BRCA1: variants seen among roughly 807,000 people sequenced by gnomAD.
BRCA1 encodes breast cancer type 1 susceptibility protein.
In BRCA1, 140 loss-of-function variants were observed where a neutral mutation model predicts 173.7. The ratio of observed to expected loss-of-function variants is 0.81; its 90% confidence interval spans 0.70 to 0.93. BRCA1 has a LOEUF of 0.93. BRCA1 is among the 40% of genes least tolerant of loss of function. The pLI, the probability that BRCA1 is intolerant of heterozygous loss-of-function variation, is 0.00. For synonymous variants in BRCA1, 662 were observed against 756.0 expected (o/e 0.88, Z 2.04); for missense variants, 1,983 against 2,172.5 (o/e 0.91, Z 1.73).
intron 3 of BRCA1, 59 bp downstream of exon 3, chr17:43,115,667 G>T (rs2154565122): frequency 6.6e-7 from 1 of 1,521,410 alleles, no homozygotes; most frequent in Non-Finnish European, 9.1e-7. Flanking sequence ...GTGTTTCCTG[G>T]GTTATGAAGG....
At chr17:43,074,833 A>C (rs1248249276) in intron 13 of BRCA1, among the ~76,000 whole-genome samples, 1 of 151,978 alleles carries the variant, frequency 6.6e-6, no homozygotes, top group East Asian at 1.9e-4. Flanking sequence ...AGGCAGGAAA[A>C]TTGCTTGAAC....
chr17:43,048,731 G>A (rs1373431381), intron 21 of BRCA1, among the ~76,000 whole-genome samples: 2 of 150,886 alleles, frequency 1.3e-5, no homozygotes, highest in African/African-American at 4.9e-5. Flanking sequence ...ATGTTGGCCA[G>A]GCTGGTCTCA....
upstream of BRCA1, among the ~76,000 whole-genome samples, chr17:43,126,331 G>C (rs2055872934): frequency 6.6e-6 from 1 of 152,228 alleles, no homozygotes; most frequent in Non-Finnish European, 1.5e-5. Flanking sequence ...TGGCGAAAAC[G>C]CGGAGAAACG....
At chr17:43,135,851 G>A (rs1184850319) in intron 1 of BRCA1, among the ~76,000 whole-genome samples, 3 of 152,170 alleles carry the variant, frequency 2.0e-5, no homozygotes, top group Admixed American at 1.3e-4. Context: ...GGGTGGCAGC[G>A]TCCCCTTGAA....
intron 22 of BRCA1, 80 bp downstream of exon 22, chr17:43,047,563 C>A (rs1384436809): frequency 7.2e-7 from 1 of 1,390,986 alleles, no homozygotes; most frequent in Admixed American, 1.7e-5. Context: ...AACTGTGCTA[C>A]TCAAGCACCA....
At chr17:43,117,506 C>T (rs535595205) in intron 2 of BRCA1, among the ~76,000 whole-genome samples, 29 of 151,956 alleles carry the variant, frequency 1.9e-4, no homozygotes, top group African/African-American at 6.8e-4. Context: ...CTTGGGAGGC[C>T]GAGGCGGGCG....
chr17:43,070,816 T>C, intron 15 of BRCA1, 112 bp downstream of exon 15: 2 of 1,264,534 alleles, frequency 1.6e-6, no homozygotes, highest in Non-Finnish European at 2.3e-6. Context: ...AGAACTGTGA[T>C]TGTTTTCTAG....
In BRCA1 at chr17:43,067,603, T is replaced by A. The variant is rs431825411; in HGVS notation, c.5074+5A>T. On this transcript the variant is annotated splice_donor_5th_base_variant and intron_variant, in intron 16 of 22. Coordinates refer to ENST00000357654, the MANE Select transcript of BRCA1 (RefSeq NM_007294.4). ...CAAGGTATTCTGTAAAGGTTCTTGG[T>A]ATACCTGTTTTCATAACAACATGAG... The A allele has an allele frequency of 7.5e-6, 12 of 1,600,518 alleles. No homozygotes were observed. The highest frequency in any genetic ancestry group is 1.0e-5 in the Non-Finnish European group (12 of 1,167,700).
chr17:43,077,261 G>C (rs376221406), intron 12 of BRCA1, among the ~76,000 whole-genome samples: 18 of 151,782 alleles, frequency 1.2e-4, no homozygotes, highest in African/African-American at 4.3e-4. Context: ...ATAATACATG[G>C]AACTAATGAT....
At chr17:43,069,267 C>A (rs1039430648) in intron 15 of BRCA1, among the ~76,000 whole-genome samples, 2 of 152,210 alleles carry the variant, frequency 1.3e-5, no homozygotes, top group Non-Finnish European at 1.5e-5. Flanking sequence ...CAATGCTGAA[C>A]TGCTGAAAAG....
intron 1 of BRCA1, among the ~76,000 whole-genome samples, chr17:43,150,144 C>T (rs564050945): frequency 5.3e-5 from 8 of 152,048 alleles, no homozygotes; most frequent in Non-Finnish European, 1.0e-4. Context: ...GGGTCTTGCC[C>T]TGTTGCCCTG....
intron 11 of BRCA1, 68 bp from the exon 12 acceptor site, chr17:43,082,643 T>A (rs1323178156): frequency 6.5e-7 from 1 of 1,531,908 alleles, no homozygotes; most frequent in Non-Finnish European, 9.0e-7. Context: ...AATGAAAATA[T>A]ATCATACAAA....
At chr17:43,048,408 G>C (rs1241181641) in intron 21 of BRCA1, among the ~76,000 whole-genome samples, 1 of 151,914 alleles carries the variant, frequency 6.6e-6, no homozygotes, top group Non-Finnish European at 1.5e-5. Flanking sequence ...TCGCCATGTT[G>C]GTTGGCCAGG....
intron 2 of BRCA1, chr17:43,119,098 C>G: frequency 4.7e-6 from 1 of 213,976 alleles, no homozygotes. Context: ...AAAGTCCAGG[C>G]AAGATATCAA....
chr17:43,093,874 G>T lies in BRCA1; in HGVS notation c.1657C>A (p.His553Asn), dbSNP rs1176222161. The T allele has an allele frequency of 1.2e-6, 2 of 1,613,650 alleles. No individual in the cohort carries two copies. Among genetic ancestry groups the T allele is most frequent in the South Asian group, 1.1e-5 (1 of 90,986 alleles). ...GQVMNITNSG[H>N]ENKTKGDSIQ... ...GAATCACCTTTTGTTTTATTCTCAT[G>T]ACCACTATTAGTAATATTCATCACT... Residue 553 changes from histidine (H) to asparagine (N), a missense_variant, in exon 10 of 23, where the codon CAT becomes AAT. Coordinates refer to ENST00000357654, the MANE Select transcript of BRCA1 (RefSeq NM_007294.4).
At chr17:43,117,378 G>A (rs1202752723) in intron 2 of BRCA1, among the ~76,000 whole-genome samples, 1 of 152,146 alleles carries the variant, frequency 6.6e-6, no homozygotes, top group Non-Finnish European at 1.5e-5. Context: ...GGAGGTGGAG[G>A]TTGCAGAGTG....
At chr17:43,147,950 A>G (rs986630337) in intron 1 of BRCA1, among the ~76,000 whole-genome samples, 1 of 152,180 alleles carries the variant, frequency 6.6e-6, no homozygotes, top group Non-Finnish European at 1.5e-5. Context: ...ACCTCTGGAA[A>G]GGGCTGGGGA....
In BRCA1 at chr17:43,092,852, C is replaced by G; in HGVS notation, c.2679G>C (p.Lys893Asn). 1.2e-6 allele frequency: 2 copies of G among 1,613,896 alleles called. No homozygotes were observed. Among genetic ancestry groups the G allele is most frequent in the Non-Finnish European group, 1.7e-6 (2 of 1,179,960 alleles). ...CAAAAGTGACTTTTGGACTTTGTTT[C>G]TTTAAGGACCCAGAGTGGGCAGAGA... Reference protein sequence around the residue: ...ATFSAHSGSLKKQSPKVTFEC... With the variant: ...ATFSAHSGSLNKQSPKVTFEC... The change falls in exon 10 of 23, where the codon AAG (lysine) becomes AAC (asparagine). Residue 893 changes from lysine to asparagine, a missense_variant. Transcript: ENST00000357654.
intron 19 of BRCA1, among the ~76,000 whole-genome samples, chr17:43,053,555 G>C (rs1265732072): frequency 4.6e-5 from 7 of 152,072 alleles, no homozygotes; most frequent in Non-Finnish European, 7.4e-5. Context: ...CCAGCTACTT[G>C]GGAGGCTGAG....
Sources: allele counts gnomAD v4.1 joint callset (sites outside exome capture counted in the v4.1 genomes callset), GRCh38; gene constraint gnomAD v4.1.1; transcripts MANE v1.5; gene names NCBI Gene and HGNC (gene_info 2026-07-23, HGNC 2026-07-21).